The following MTA3 variants were observed in gnomAD, a reference collection of about 807,000 sequenced individuals.
MTA3 encodes metastasis-associated protein MTA3.
Under a neutral mutation model 83.5 loss-of-function variants are expected in MTA3, and 34 were observed. The ratio of observed to expected loss-of-function variants is 0.41; its 90% CI spans 0.31 to 0.54. MTA3 has a LOEUF of 0.54. MTA3 is among the 20% of genes least tolerant of loss of function. The pLI, the probability that MTA3 is intolerant of heterozygous loss-of-function variation, is 0.33. For missense variants in MTA3, 761 were observed against 726.4 expected (o/e 1.05, Z -0.55); for synonymous variants, 303 against 252.7 (o/e 1.20, Z -1.89).
rs150605081 is a variant in MTA3, at chr2:42,624,883, C to T, written c.318-15290C>T. ...ATTGAACATGAGTTTTATACCACAT[C>T]GGTTCTCCATTCTTCGCATGTTATC... On this transcript the variant is annotated intron_variant, in intron 4 of 16. Transcript: ENST00000405094. 3.8e-3 allele frequency among the ~76,000 whole-genome samples: 586 copies of T among 152,230 alleles called. 3 individuals carry two copies. The highest frequency in any genetic ancestry group is 0.012 in the African/African-American group (517 of 41,542).
At chr2:42,533,969 A>G (rs1475191015) in intron 2 of MTA3, among the ~76,000 whole-genome samples, 1 of 151,742 alleles carries the variant, frequency 6.6e-6, no homozygotes. Context: ...CGTTCACATT[A>G]TTGGGCATGG....
intron 14 of MTA3, among the ~76,000 whole-genome samples, chr2:42,714,656 G>A (rs889951330): frequency 6.6e-6 from 1 of 152,198 alleles, no homozygotes. Context: ...CTCTAGGACA[G>A]TGGTCCCCAA....
chr2:42,637,510 G>T (rs189061032), intron 4 of MTA3, among the ~76,000 whole-genome samples: 4 of 152,090 alleles, frequency 2.6e-5, no homozygotes, highest in African/African-American at 9.7e-5. Context: ...GGAAACTAAC[G>T]CTTTAAATCT....
At chr2:42,504,845 C>G (rs967876320) in intron 2 of MTA3, among the ~76,000 whole-genome samples, 5 of 152,078 alleles carry the variant, frequency 3.3e-5, no homozygotes, top group African/African-American at 1.2e-4. Context: ...CCTTAAATTT[C>G]CAGCTTTGCA....
intron 6 of MTA3, among the ~76,000 whole-genome samples, chr2:42,654,397 A>G (rs1688980355): frequency 1.3e-5 from 2 of 152,218 alleles, no homozygotes; most frequent in Admixed American, 1.3e-4. Flanking sequence ...AATGTTACAG[A>G]TGCAGTGATC....
intron 11 of MTA3, among the ~76,000 whole-genome samples, chr2:42,700,257 A>G (rs148982500): frequency 1.4e-4 from 21 of 152,286 alleles, no homozygotes; most frequent in African/African-American, 5.1e-4. Context: ...TGAGCGTTAG[A>G]TAAAAGGAAG....
At chr2:42,652,174 C>G (rs1487126933) in intron 6 of MTA3, among the ~76,000 whole-genome samples, 1 of 152,152 alleles carries the variant, frequency 6.6e-6, no homozygotes, top group South Asian at 2.1e-4. Flanking sequence ...TGCCTTGTTA[C>G]GTGGATGAAC....
At chr2:42,606,835 C>A (rs367573691) in intron 3 of MTA3, among the ~76,000 whole-genome samples, 2 of 149,442 alleles carry the variant, frequency 1.3e-5, no homozygotes, top group South Asian at 4.4e-4. Flanking sequence ...CCCGGCACCT[C>A]GGGAGGCCGA....
intron 12 of MTA3, among the ~76,000 whole-genome samples, chr2:42,706,221 CA>C (rs1238303178): frequency 1.3e-5 from 2 of 151,990 alleles, no homozygotes; most frequent in Non-Finnish European, 2.9e-5. Flanking sequence ...CACATGTATA[CA>C]TATGTAACTA....
intron 2 of MTA3, among the ~76,000 whole-genome samples, chr2:42,538,462 C>T (rs1048457909): frequency 1.4e-4 from 21 of 151,924 alleles, no homozygotes; most frequent in Non-Finnish European, 2.6e-4. Flanking sequence ...AATCCCAGCA[C>T]TTTGGGAGGC....
At chr2:42,697,689 C>T (rs144713413) in intron 10 of MTA3, 87 bp from the exon 11 acceptor site, 13 of 880,678 alleles carry the variant, frequency 1.5e-5, no homozygotes, top group Admixed American at 3.2e-5. Flanking sequence ...CACTTTAATA[C>T]GTATTTTCTT....
chr2:42,646,121 A>G lies in MTA3; in HGVS notation c.499+1877A>G, dbSNP rs190969049. Among the ~76,000 whole-genome samples, 78 of 152,330 alleles carry G rather than the reference A, an allele frequency of 5.1e-4. No individual in the cohort carries two copies. The East Asian group carries it at 0.014, about 28-fold the overall frequency. On this transcript the variant is annotated intron_variant, in intron 6 of 16. Coordinates refer to ENST00000405094, the MANE Select transcript of MTA3 (RefSeq NM_001330442.2). ...ACAAAGCCTAAATGACAGCACCTCT[A>G]TTTACAGTATGGTTTACTGAATATT... is the stretch of plus-strand genomic sequence containing the variant.
chr2:42,628,206 T>TTTTTTTTATTTA (rs370733948), intron 4 of MTA3, among the ~76,000 whole-genome samples: 5 of 142,522 alleles, frequency 3.5e-5, no homozygotes, highest in African/African-American at 1.3e-4. Flanking sequence ...CTTCTTATCG[T>TTTTTTTTATTTA]TTTATTTATT....
At chr2:42,586,557 AAC>A (rs68029790) in intron 3 of MTA3, among the ~76,000 whole-genome samples, 2,472 of 125,064 alleles carry the variant, frequency 0.02, 39 homozygotes, top group East Asian at 0.034. Context: ...AAGGAAGGAA[AAC>A]ACACACACAC....
At chr2:42,604,569 C>CTT (rs1323312162) in intron 3 of MTA3, among the ~76,000 whole-genome samples, 9 of 47,468 alleles carry the variant, frequency 1.9e-4, no homozygotes, top group Admixed American at 1.6e-3. Context: ...CTGAATGTTT[C>CTT]TTTTCTTTTT....
intron 3 of MTA3, among the ~76,000 whole-genome samples, chr2:42,585,482 T>C (rs1218159315): frequency 6.7e-6 from 1 of 148,656 alleles, no homozygotes; most frequent in Non-Finnish European, 1.5e-5. Flanking sequence ...TTTTCTTTTT[T>C]TTTTTTTTTT....
intron 8 of MTA3, among the ~76,000 whole-genome samples, chr2:42,673,298 A>T (rs772428937): frequency 9.9e-5 from 15 of 152,170 alleles, no homozygotes; most frequent in Non-Finnish European, 1.6e-4. Flanking sequence ...TGTAGGAGGT[A>T]TATATGTGAA....
Position 42,523,511 on chromosome 2 carries a change from C to T in MTA3, c.-141+28257C>T, listed in dbSNP as rs535251375. Among the ~76,000 whole-genome samples the T allele has an allele frequency of 2.0e-5, 3 of 152,306 alleles. No individual in the cohort carries two copies. The East Asian group carries it at 5.8e-4, about 29-fold the overall frequency. ...AGGAAGAAACCTGACCCCTCAGTGA[C>T]TTCAAGAGCAGAGCTGCCTGCCGAC... On this transcript the variant is annotated intron_variant, in intron 2 of 17. Transcript: ENST00000405592.
At chr2:42,703,492 G>T (rs1444336584) in intron 11 of MTA3, 1 of 152,298 alleles carries the variant, frequency 6.6e-6, no homozygotes, top group East Asian at 1.9e-4. Flanking sequence ...AGGAACTGAA[G>T]AGTGGCTTTC....
Sources: allele counts gnomAD v4.1 joint callset (sites outside exome capture counted in the v4.1 genomes callset), GRCh38; gene constraint gnomAD v4.1.1; transcripts MANE v1.5; gene names NCBI Gene and HGNC (gene_info 2026-07-23, HGNC 2026-07-21).